Variants in SPRYD7 observed in about 807,000 individuals in gnomAD.
SPRYD7 encodes the protein SPRY domain containing 7.
SPRYD7 carries 14 observed loss-of-function variants against 23.8 expected under a neutral mutation model. The ratio of observed to expected loss-of-function variants is 0.59; its 90% CI spans 0.39 to 0.92. SPRYD7 has a LOEUF of 0.92. Among genes scored for constraint, SPRYD7 ranks in the 40% least tolerant of loss-of-function variants. The pLI, the probability that SPRYD7 is intolerant of heterozygous loss-of-function variation, is 0.00. For missense variants in SPRYD7, 194 were observed against 241.7 expected (o/e 0.80, Z 1.31); for synonymous variants, 75 against 84.9 (o/e 0.88, Z 0.64).
At chr13:49,919,268 T>C (rs574836027) in intron 4 of SPRYD7, among the ~76,000 whole-genome samples, 1 of 151,330 alleles carries the variant, frequency 6.6e-6, no homozygotes, top group South Asian at 2.1e-4. Flanking sequence ...AATATAAAAG[T>C]TGGCCAGGTG....
At chr13:49,920,974 ATAAAT>A (rs1955811959) in intron 4 of SPRYD7, among the ~76,000 whole-genome samples, 2 of 152,150 alleles carry the variant, frequency 1.3e-5, no homozygotes, top group African/African-American at 4.8e-5. Flanking sequence ...CAATAAATAA[ATAAAT>A]AAAATAAAAA....
chr13:49,933,443 A>G (rs1334533038), intron 1 of SPRYD7, among the ~76,000 whole-genome samples: 1 of 151,996 alleles, frequency 6.6e-6, no homozygotes, highest in Non-Finnish European at 1.5e-5. Flanking sequence ...CTCTACTAAA[A>G]ATACAAAAAT....
At chr13:49,916,593 G>A (rs1313317299) in intron 4 of SPRYD7, among the ~76,000 whole-genome samples, 8 of 148,362 alleles carry the variant, frequency 5.4e-5, no homozygotes, top group Non-Finnish European at 1.2e-4. Context: ...ATGTACCCCC[G>A]AACCTAAATG....
chr13:49,932,369 A>C (rs1286295558), intron 1 of SPRYD7, among the ~76,000 whole-genome samples: 1 of 152,238 alleles, frequency 6.6e-6, no homozygotes, highest in Non-Finnish European at 1.5e-5. Flanking sequence ...TAACATTCTT[A>C]CATGCACTTT....
chr13:49,930,303 G>T (rs1053509576), intron 2 of SPRYD7, among the ~76,000 whole-genome samples: 3 of 150,848 alleles, frequency 2.0e-5, no homozygotes. Flanking sequence ...TGAGTTAAGA[G>T]AAAAACTCTG....
At chr13:49,934,839 G>A (rs930439198) in intron 1 of SPRYD7, among the ~76,000 whole-genome samples, 1 of 152,184 alleles carries the variant, frequency 6.6e-6, no homozygotes, top group Non-Finnish European at 1.5e-5. Flanking sequence ...CAGGAATTAT[G>A]TATGGTTGTC....
At chr13:49,926,359 T>C (rs1190250004) in intron 3 of SPRYD7, among the ~76,000 whole-genome samples, 4 of 152,222 alleles carry the variant, frequency 2.6e-5, no homozygotes, top group Admixed American at 2.6e-4. Context: ...TATGTTTGAA[T>C]TTCATCTTTT....
At chr13:49,923,600 A>T (rs562816990) in intron 3 of SPRYD7, among the ~76,000 whole-genome samples, 1 of 152,284 alleles carries the variant, frequency 6.6e-6, no homozygotes, top group South Asian at 2.1e-4. Flanking sequence ...GTACCAAAGA[A>T]GTGAGGAAAG....
intron 4 of SPRYD7, among the ~76,000 whole-genome samples, chr13:49,916,686 A>G (rs1242591329): frequency 7.2e-5 from 11 of 152,144 alleles, no homozygotes; most frequent in Admixed American, 6.6e-4. Context: ...AGGGAAGGGG[A>G]AACACAGGAC....
intron 4 of SPRYD7, among the ~76,000 whole-genome samples, chr13:49,921,139 G>A (rs977178021): frequency 1.3e-5 from 2 of 152,110 alleles, no homozygotes; most frequent in Non-Finnish European, 2.9e-5. Flanking sequence ...CCAGTGGGAG[G>A]TAATTGAATC....
intron 2 of SPRYD7, 106 bp downstream of exon 2, chr13:49,930,912 G>A (rs766698612): frequency 2.3e-5 from 15 of 644,740 alleles, no homozygotes; most frequent in Admixed American, 6.3e-5. Flanking sequence ...TCTTCTAAGA[G>A]TTTGGTGCTT....
intron 3 of SPRYD7, among the ~76,000 whole-genome samples, chr13:49,922,355 A>G (rs1955831038): frequency 6.6e-6 from 1 of 150,582 alleles, no homozygotes; most frequent in African/African-American, 2.4e-5. Context: ...ATAAAAGGCT[A>G]GAAAAGACTT....
intron 4 of SPRYD7, among the ~76,000 whole-genome samples, chr13:49,919,635 G>T (rs1049271593): frequency 6.6e-6 from 1 of 150,506 alleles, no homozygotes; most frequent in African/African-American, 2.4e-5. Context: ...GCTGAGGCAC[G>T]AGAATATCTT....
intron 4 of SPRYD7, among the ~76,000 whole-genome samples, chr13:49,919,312 G>A (rs995024152): frequency 3.9e-5 from 6 of 151,970 alleles, no homozygotes; most frequent in Non-Finnish European, 8.8e-5. Context: ...TTGGAAGGCC[G>A]AGGCGGGCAG....
chr13:49,931,380 C>T (rs1215471768), intron 1 of SPRYD7, among the ~76,000 whole-genome samples: 2 of 152,102 alleles, frequency 1.3e-5, no homozygotes, highest in Non-Finnish European at 2.9e-5. Flanking sequence ...GGGGGTTTCA[C>T]CATATTGGTC....
chr13:49,923,820 A>C (rs951548598), intron 3 of SPRYD7, among the ~76,000 whole-genome samples: 3 of 151,914 alleles, frequency 2.0e-5, no homozygotes, highest in African/African-American at 7.3e-5. Context: ...AACCTAATCT[A>C]TTCTATGATG....
chr13:49,932,959 G>A (rs890806390), intron 1 of SPRYD7, among the ~76,000 whole-genome samples: 3 of 152,102 alleles, frequency 2.0e-5, no homozygotes, highest in Non-Finnish European at 4.4e-5. Context: ...TATACCTCCA[G>A]TAATTTCAAC....
chr13:49,923,958 T>C (rs1955849059), intron 3 of SPRYD7, among the ~76,000 whole-genome samples: 1 of 151,738 alleles, frequency 6.6e-6, no homozygotes, highest in South Asian at 2.1e-4. Context: ...TGATCTTGGT[T>C]TTTGTTTTTG....
chr13:49,919,955 T>G (rs919642124), intron 4 of SPRYD7, among the ~76,000 whole-genome samples: 20 of 152,022 alleles, frequency 1.3e-4, no homozygotes, highest in African/African-American at 3.6e-4. Flanking sequence ...GGGGTGTAGA[T>G]GAAACCCGAT....
Sources: gnomAD v4.1 joint callset for allele counts (sites outside exome capture counted in the v4.1 genomes callset) on GRCh38, gnomAD v4.1.1 for gene constraint, MANE v1.5 for transcripts, NCBI Gene and HGNC (gene_info 2026-07-23, HGNC 2026-07-21) for gene names.